The following ROCK2 variants were observed in gnomAD, a reference collection of about 807,000 sequenced individuals.
The protein encoded by ROCK2 is Rho associated coiled-coil containing protein kinase 2.
Under a neutral mutation model 195.1 loss-of-function variants are expected in ROCK2, and 61 were observed. That is an observed-to-expected ratio of 0.31 (90% CI 0.25 to 0.39). The LOEUF (loss-of-function observed/expected upper bound fraction) is 0.39. Ranked by LOEUF, ROCK2 falls within the 10% of genes least tolerant of loss-of-function variation. ROCK2 has a pLI of 1.00. For missense variants in ROCK2, 1,109 were observed against 1,637.4 expected, an observed-to-expected ratio of 0.68 and a Z score of 5.57; for synonymous variants, 504 against 545.5, an observed-to-expected ratio of 0.92 and a Z score of 1.06.
chr2:11,237,443 A>T (rs1182847596), intron 4 of ROCK2, among the ~76,000 whole-genome samples: 1 of 152,216 alleles, frequency 6.6e-6, no homozygotes, highest in Admixed American at 6.5e-5. Flanking sequence ...TAGTAAACAA[A>T]AATTTCTAGA....
chr2:11,220,340 G>C (rs1241071463), intron 9 of ROCK2, among the ~76,000 whole-genome samples: 3 of 151,876 alleles, frequency 2.0e-5, no homozygotes, highest in South Asian at 4.1e-4. Context: ...GTAAAGACAG[G>C]GTTCCACTTT....
chr2:11,326,103 C>T (rs1335725235), intron 1 of ROCK2, among the ~76,000 whole-genome samples: 1 of 152,020 alleles, frequency 6.6e-6, no homozygotes, highest in Non-Finnish European at 1.5e-5. Context: ...TAGAGATGCC[C>T]AGTAGGTAGC....
intron 1 of ROCK2, among the ~76,000 whole-genome samples, chr2:11,316,841 T>C (rs904892552): frequency 6.6e-6 from 1 of 152,136 alleles, no homozygotes; most frequent in Non-Finnish European, 1.5e-5. Flanking sequence ...AGTAAGTGAA[T>C]GAAAACTAAA....
intron 27 of ROCK2, among the ~76,000 whole-genome samples, chr2:11,196,850 C>G (rs1207565002): frequency 6.6e-6 from 1 of 152,012 alleles, no homozygotes; most frequent in African/African-American, 2.4e-5. Context: ...TAGTGTGTGA[C>G]TGAGTGATAT....
chr2:11,235,813 T>C lies in ROCK2; in HGVS notation c.612A>G (p.Ala204=), dbSNP rs760469316. ...YTAEVVLALD[A]IHSMGLIHRD... ...TGTGTATTAAACCCATGGAGTGTAT[T>C]GCATCCAGAGCAAGAACAACTTCAG... Residue 204 remains alanine, a synonymous_variant, in exon 5 of 33, where the codon GCA becomes GCG. Transcript: ENST00000315872. This position sits in a 1 kb window ranked among gnomAD's most constrained non-coding sequence, Gnocchi z 4.2. 5.6e-6 allele frequency: 9 copies of C among 1,613,954 alleles called. No individual in the cohort carries two copies. The highest frequency in any genetic ancestry group is 1.6e-4 in the Middle Eastern group (1 of 6,080).
In ROCK2 at chr2:11,201,403, T is replaced by G; in HGVS notation, c.2630A>C (p.Lys877Thr). 8.2e-6 allele frequency: 13 copies of G among 1,592,598 alleles called. No homozygotes were observed. Among genetic ancestry groups the G allele is most frequent in the African/African-American group, 1.3e-5 (1 of 74,656 alleles). ...TTCTTTAAGCTCCCTAACTTGTGTT[T>G]TATAAAGGGTCTAAATAGCAAAATA... ...EAEQYFSTLY[K>T]TQVRELKEEC... Residue 877 changes from lysine to threonine, a missense_variant, in exon 22 of 33, where the codon AAA (lysine) becomes ACA (threonine). Lys to Thr is a moderately conservative substitution (Grantham distance 78, BLOSUM62 -1). This residue lies in a region of ROCK2 where 542 missense variants were observed against 672.0 expected (regional missense o/e 0.81). Coordinates refer to ENST00000315872, the MANE Select transcript of ROCK2 (RefSeq NM_004850.5). This position sits in a 1 kb window ranked among gnomAD's most constrained non-coding sequence, Gnocchi z 4.6.
chr2:11,204,243 C>G (rs1453503495), intron 20 of ROCK2, among the ~76,000 whole-genome samples: 1 of 151,996 alleles, frequency 6.6e-6, no homozygotes, highest in Non-Finnish European at 1.5e-5. Context: ...GCTCTCTTGC[C>G]TTCCCCAACC....
intron 1 of ROCK2, among the ~76,000 whole-genome samples, chr2:11,295,479 A>G (rs1343558886): frequency 6.6e-6 from 1 of 152,132 alleles, no homozygotes; most frequent in Non-Finnish European, 1.5e-5. Flanking sequence ...AAATACCCCC[A>G]AAAGGCCTGC....
rs554710463 is a variant in ROCK2, at chr2:11,222,913, T to C, written c.1008-739A>G. Among the ~76,000 whole-genome samples the C allele has an allele frequency of 5.2e-4, 79 of 152,266 alleles. 1 individual carries two copies. The highest frequency in any genetic ancestry group is 1.9e-3 in the African/African-American group (78 of 41,562). On this transcript the variant is annotated intron_variant, in intron 7 of 32. Coordinates refer to ENST00000315872, the MANE Select transcript of ROCK2 (RefSeq NM_004850.5). ...AATCATTCCTTAGATTGCACACCCC[T>C]GCCCCATGACTACTAATTCAAAACT... is the stretch of plus-strand genomic sequence containing the variant.
chr2:11,293,039 C>G (rs1397468101), intron 1 of ROCK2, among the ~76,000 whole-genome samples: 1 of 152,182 alleles, frequency 6.6e-6, no homozygotes, highest in East Asian at 1.9e-4. Flanking sequence ...AGCCACGCTT[C>G]CTGTACAGCC....
At chr2:11,266,107 T>C (rs998101192) in intron 3 of ROCK2, among the ~76,000 whole-genome samples, 3 of 152,216 alleles carry the variant, frequency 2.0e-5, no homozygotes, top group Admixed American at 6.5e-5. Context: ...CTACATCTTG[T>C]CCCACTAAAA....
intron 7 of ROCK2, among the ~76,000 whole-genome samples, chr2:11,223,666 T>C (rs1238257578): frequency 6.6e-6 from 1 of 152,114 alleles, no homozygotes; most frequent in East Asian, 1.9e-4. Flanking sequence ...TGAACGAGGG[T>C]GTGAGCATCC....
chr2:11,211,888 A>C (rs778583664), intron 17 of ROCK2, 48 bp from the exon 18 acceptor site: 2 of 1,426,526 alleles, frequency 1.4e-6, no homozygotes, highest in Non-Finnish European at 1.9e-6. Context: ...AGACTAGCTC[A>C]CAATTTCAAA....
intron 1 of ROCK2, among the ~76,000 whole-genome samples, chr2:11,294,350 T>C (rs1225410678): frequency 6.6e-6 from 1 of 152,236 alleles, no homozygotes; most frequent in African/African-American, 2.4e-5. Context: ...AGTTCTTGGA[T>C]AGACATGATG....
At chr2:11,281,452 T>C (rs1246439793) in intron 3 of ROCK2, among the ~76,000 whole-genome samples, 1 of 152,172 alleles carries the variant, frequency 6.6e-6, no homozygotes, top group Non-Finnish European at 1.5e-5. Flanking sequence ...GGGAAGGATC[T>C]ATGTGATCAT....
chr2:11,248,944 G>A (rs112814743), intron 4 of ROCK2, among the ~76,000 whole-genome samples: 3,094 of 151,960 alleles, frequency 0.02, 100 homozygotes, highest in African/African-American at 0.07. Context: ...TTGCCAGGCT[G>A]GAGTGCAGTG....
intron 3 of ROCK2, among the ~76,000 whole-genome samples, chr2:11,281,477 C>A (rs569672959): frequency 6.6e-6 from 1 of 152,000 alleles, no homozygotes; most frequent in Non-Finnish European, 1.5e-5. Flanking sequence ...GTAGAGGATT[C>A]GAAAGTTTCC....
chr2:11,286,077 T>C (rs760060544), intron 3 of ROCK2, among the ~76,000 whole-genome samples: 7 of 149,572 alleles, frequency 4.7e-5, no homozygotes, highest in Non-Finnish European at 7.4e-5. Flanking sequence ...TTAGGAAGAG[T>C]TCCAAAGCCA....
intron 1 of ROCK2, among the ~76,000 whole-genome samples, chr2:11,343,739 C>T (rs1357753596): frequency 2.0e-5 from 3 of 152,196 alleles, no homozygotes; most frequent in African/African-American, 7.2e-5. Context: ...GGGTGTTTTC[C>T]TCCCAGTGCT....
Sources: gnomAD v4.1 joint callset for allele counts (sites outside exome capture counted in the v4.1 genomes callset) on GRCh38, gnomAD v4.1.1 for gene constraint, gnomAD v4.1.1 regional missense constraint, Gnocchi (gnomAD v3.1) non-coding constraint, MANE v1.5 for transcripts, NCBI Gene and HGNC (gene_info 2026-07-23, HGNC 2026-07-21) for gene names.